The following CREBBP variants were observed in gnomAD, a reference collection of about 807,000 sequenced individuals.
CREBBP encodes the protein CREB binding lysine acetyltransferase, also known as CREB-binding protein.
Under a neutral mutation model 265.0 loss-of-function variants are expected in CREBBP, and 19 were observed. That is an observed-to-expected ratio of 0.07 (90% CI 0.05 to 0.11). CREBBP has a LOEUF of 0.11. Ranked by LOEUF, CREBBP falls within the 10% of genes least tolerant of loss-of-function variation. The pLI, the probability that CREBBP is intolerant of heterozygous loss-of-function variation, is 1.00. For missense variants in CREBBP, 2,525 were observed against 3,219.0 expected (o/e 0.78, Z 5.22); for synonymous variants, 1,457 against 1,223.7 (o/e 1.19, Z -3.98).
intron 1 of CREBBP, among the ~76,000 whole-genome samples, chr16:3,865,717 C>A (rs1330926858): frequency 6.6e-6 from 1 of 151,950 alleles, no homozygotes; most frequent in African/African-American, 2.4e-5. Context: ...CAGCTCACTG[C>A]AACCTCCACC....
chr16:3,728,367 C>T lies in CREBBP; in HGVS notation c.6680G>A (p.Gly2227Glu). The change falls in exon 31 of 31, where the codon GGG becomes GAG. Residue 2227 changes from glycine to glutamate, a missense_variant. By Grantham distance (98) the Gly-to-Glu change is moderately conservative (BLOSUM62 -2). Coordinates refer to ENST00000262367, the MANE Select transcript of CREBBP (RefSeq NM_004380.3). The surrounding 1 kb of genome is among the most constrained non-coding windows in gnomAD (Gnocchi z 8.7). ...TTGAGGCTGCTGGAACTGGCCGTGC[C>T]CCGCCATGCCCCCAGCCATGCCGGC... ...GSAGMAGGMAGHGQFQQPQGP... is the reference protein window; with the variant it reads ...GSAGMAGGMAEHGQFQQPQGP... 6.2e-7 allele frequency: 1 copy of T among 1,612,406 alleles called. No individual in the cohort carries two copies. The highest frequency in any genetic ancestry group is 8.5e-7 in the Non-Finnish European group (1 of 1,179,444).
At chr16:3,853,075 T>C (rs917484792) in intron 1 of CREBBP, among the ~76,000 whole-genome samples, 1 of 152,034 alleles carries the variant, frequency 6.6e-6, no homozygotes, top group Non-Finnish European at 1.5e-5. Context: ...TCCAGCTCCC[T>C]ATTCATTAGT....
In CREBBP at chr16:3,728,462, C is replaced by T. The variant is rs1446676452; in HGVS notation, c.6585G>A (p.Arg2195=). ...GTTGCTGCTGCTGCTGCAGCAGCTG[C>T]CTCCGTAACATTTCTCGGTACTGTG... The part of the protein sequence containing the change: ...MNPQYREMLR[R]QLLQQQQQQQ... Residue 2195 remains arginine (R), a synonymous_variant, in exon 31 of 31, where the codon AGG becomes AGA. Coordinates refer to ENST00000262367, the MANE Select transcript of CREBBP (RefSeq NM_004380.3). The surrounding 1 kb of genome is among the most constrained non-coding windows in gnomAD (Gnocchi z 8.7). 2 of 1,613,924 alleles carry T rather than the reference C, an allele frequency of 1.2e-6. No individual in the cohort carries two copies. Among genetic ancestry groups the T allele is most frequent in the Admixed American group, 1.7e-5 (1 of 60,012 alleles).
intron 2 of CREBBP, among the ~76,000 whole-genome samples, chr16:3,814,002 C>G (rs955162223): frequency 2.0e-5 from 3 of 152,184 alleles, no homozygotes; most frequent in African/African-American, 7.2e-5. Context: ...CTCTGTGGAC[C>G]TCAAAGTTCA....
Position 3,849,448 on chromosome 16 carries a change from T to TGTGTGTGTG in CREBBP, c.798+840_798+848dup, listed in dbSNP as rs2054769668. ...GTGTGTGTGTGTGTGTGTGTGTGTGTGTGTGTGTGTGTGTGTGTGTGTGTG... is the reference window on the plus strand; with the variant it reads ...GTGTGTGTGTGTGTGTGTGTGTGTGTGTGTGTGTGGTGTGTGTGTGTGTGTGTGTGTGTG... On this transcript the variant is annotated intron_variant, in intron 2 of 30. Transcript: ENST00000262367. 3.0e-4 allele frequency among the ~76,000 whole-genome samples: 15 copies of TGTGTGTGTG among 50,354 alleles called. 3 individuals carry two copies. The highest frequency in any genetic ancestry group is 2.7e-3 in the East Asian group (3 of 1,124). The allele number at this position is 50,354 out of a possible 152,430, so 33.0% of individuals were successfully genotyped here.
Position 3,727,614 on chromosome 16 carries a change from CG to C in CREBBP, c.*103del. The C allele has an allele frequency of 1.9e-6, 3 of 1,593,476 alleles. No homozygotes were observed. Among genetic ancestry groups the C allele is most frequent in the South Asian group, 1.1e-5 (1 of 89,396 alleles). ...AACATCAATCCACCCTTCCATGGCT[CG>C]GAAGTCGCAGTTCCATCTAGGAATA... On this transcript the variant is annotated 3_prime_UTR_variant, in exon 31 of 31. Coordinates refer to ENST00000262367, the MANE Select transcript of CREBBP (RefSeq NM_004380.3).
At chr16:3,865,915 G>A (rs138978429) in intron 1 of CREBBP, among the ~76,000 whole-genome samples, 1 of 152,118 alleles carries the variant, frequency 6.6e-6, no homozygotes, top group Non-Finnish European at 1.5e-5. Context: ...GATTACAGGC[G>A]TGAGCCCACC....
intron 25 of CREBBP, among the ~76,000 whole-genome samples, chr16:3,739,004 C>A (rs572559124): frequency 6.6e-6 from 1 of 152,220 alleles, no homozygotes; most frequent in South Asian, 2.1e-4. Flanking sequence ...CGGCCTCCCA[C>A]AGTGCTGTGA....
intron 2 of CREBBP, among the ~76,000 whole-genome samples, chr16:3,824,928 C>T (rs918347805): frequency 3.3e-5 from 5 of 152,168 alleles, no homozygotes; most frequent in Non-Finnish European, 7.3e-5. Flanking sequence ...CACGCAGGGC[C>T]GCTCTAACTT....
chr16:3,731,603 G>C lies in CREBBP; in HGVS notation c.4891-130C>G, dbSNP rs1343695548. On this transcript the variant is annotated intron_variant, in intron 29 of 30. Transcript: ENST00000262367. The surrounding 1 kb of genome is among the most constrained non-coding windows in gnomAD (Gnocchi z 7.7). The stretch of plus-strand genomic sequence containing the variant: ...GAGCCTGATGGCCCTGATGCCTTGG[G>C]ATGGAACAAAATTGGTGACACGTTG... 85 of 1,422,236 alleles carry C rather than the reference G, an allele frequency of 6.0e-5. No individual in the cohort carries two copies. Among genetic ancestry groups the C allele is most frequent in the Middle Eastern group, 2.3e-4 (1 of 4,362 alleles). The allele number at this position is 1,422,236 out of a possible 1,614,324, so 88.1% of individuals were successfully genotyped here. A position where few individuals can be genotyped will look rare whatever the true frequency, so the allele number is the denominator to read the frequency against.
At chr16:3,831,014 A>T (rs1272682477) in intron 2 of CREBBP, among the ~76,000 whole-genome samples, 1 of 152,144 alleles carries the variant, frequency 6.6e-6, no homozygotes, top group Admixed American at 6.5e-5. Context: ...TCTAAAACTC[A>T]AGTGATCTGT....
At chr16:3,763,262 C>G (rs1238806084) in intron 16 of CREBBP, among the ~76,000 whole-genome samples, 1 of 151,912 alleles carries the variant, frequency 6.6e-6, no homozygotes. Flanking sequence ...CTCAAGCAAC[C>G]CTCCTAATTC....
intron 23 of CREBBP, chr16:3,743,299 G>A (rs1259349139): frequency 1.3e-5 from 2 of 152,236 alleles, no homozygotes; most frequent in African/African-American, 2.4e-5. Flanking sequence ...TTGAGAAACC[G>A]AGCTAAGGAA....
At chr16:3,757,196 G>A (rs961881803) in intron 19 of CREBBP, 92 bp downstream of exon 19, 6 of 1,148,110 alleles carry the variant, frequency 5.2e-6, no homozygotes, top group African/African-American at 4.6e-5. Flanking sequence ...ACTTTTTATT[G>A]GAACTTCAGG....
At chr16:3,776,659 C>G (rs1305360961) in intron 11 of CREBBP, among the ~76,000 whole-genome samples, 3 of 152,162 alleles carry the variant, frequency 2.0e-5, no homozygotes, top group African/African-American at 7.2e-5. Flanking sequence ...ATCTAGGGTG[C>G]TTCTTTCTCG....
chr16:3,782,938 A>G lies in CREBBP; in HGVS notation c.1331-12T>C, dbSNP rs779542354. 19 of 1,613,644 alleles carry G rather than the reference A, an allele frequency of 1.2e-5. No homozygotes were observed. The highest frequency in any genetic ancestry group is 4.4e-5 in the South Asian group (4 of 91,016). Reference sequence around the variant, plus strand: ...AGACCCCAGGATGGCTATAACGACAAACAGACAGACAGACAAAAACGAGAG... The same window carrying G: ...AGACCCCAGGATGGCTATAACGACAGACAGACAGACAGACAAAAACGAGAG... On this transcript the variant is annotated splice_polypyrimidine_tract_variant and intron_variant, in intron 5 of 30. Transcript: ENST00000262367.
intron 16 of CREBBP, among the ~76,000 whole-genome samples, chr16:3,759,995 A>G (rs574289606): frequency 6.6e-6 from 1 of 152,314 alleles, no homozygotes; most frequent in East Asian, 1.9e-4. Flanking sequence ...GCTCATGTTC[A>G]CTCACACAGA....
At chr16:3,776,376 C>G (rs1437884823) in intron 11 of CREBBP, among the ~76,000 whole-genome samples, 1 of 152,046 alleles carries the variant, frequency 6.6e-6, no homozygotes, top group Non-Finnish European at 1.5e-5. Context: ...GCTCCCTGCC[C>G]CAAAATAAAA....
chr16:3,801,677 A>C (rs960553352), intron 3 of CREBBP, among the ~76,000 whole-genome samples: 6 of 152,174 alleles, frequency 3.9e-5, no homozygotes, highest in Admixed American at 6.5e-5. Flanking sequence ...TCTAAAAAAA[A>C]ACAGAAGAAC....
Sources: gnomAD v4.1 joint callset for allele counts (sites outside exome capture counted in the v4.1 genomes callset) on GRCh38, gnomAD v4.1.1 for gene constraint, Gnocchi (gnomAD v3.1) non-coding constraint, MANE v1.5 for transcripts, NCBI Gene and HGNC (gene_info 2026-07-23, HGNC 2026-07-21) for gene names.